The following DYNC2H1 variants were observed in gnomAD, a reference collection of about 807,000 sequenced individuals.
The protein encoded by DYNC2H1 is cytoplasmic dynein 2 heavy chain 1.
Under a neutral mutation model 570.0 loss-of-function variants are expected in DYNC2H1, and 410 were observed. The ratio of observed to expected loss-of-function variants is 0.72; its 90% CI spans 0.66 to 0.78. DYNC2H1 has a LOEUF of 0.78. DYNC2H1 is among the 30% of genes least tolerant of loss of function. DYNC2H1 has a pLI of 0.00. For synonymous variants in DYNC2H1, 1,688 were observed against 1,677.6 expected, an observed-to-expected ratio of 1.01 and a Z score of -0.15; for missense variants, 4,865 against 5,046.4, an observed-to-expected ratio of 0.96 and a Z score of 1.09.
chr11:103,430,933 C>G (rs775344175), intron 84 of DYNC2H1, among the ~76,000 whole-genome samples: 1 of 152,140 alleles, frequency 6.6e-6, no homozygotes, highest in Non-Finnish European at 1.5e-5. Context: ...ATAGCCATCT[C>G]TTTTATTGTT....
chr11:103,255,831 TTAAG>T (rs1487225593), intron 67 of DYNC2H1, among the ~76,000 whole-genome samples: 7 of 152,168 alleles, frequency 4.6e-5, no homozygotes, highest in African/African-American at 9.6e-5. Flanking sequence ...ATCTGTAACT[TTAAG>T]TAGTTTTTAT....
intron 86 of DYNC2H1, 39 bp downstream of exon 86, chr11:103,455,334 G>A (rs1466977270): frequency 8.9e-6 from 14 of 1,567,432 alleles, no homozygotes; most frequent in South Asian, 6.7e-5. Context: ...TGTCCCTGAC[G>A]GTAATTAGTT....
At position 103,261,752 on chromosome 11, in the gene DYNC2H1, C is replaced by T. The variant is rs1388828138; in HGVS notation, c.10695+1775C>T. 6.6e-6 allele frequency among the ~76,000 whole-genome samples: 1 copy of T among 152,144 alleles called. No individual in the cohort carries two copies. Among genetic ancestry groups the T allele is most frequent in the East Asian group, 1.9e-4 (1 of 5,188 alleles). ...CCACGAAGATGAGGAAAAACCAGCG[C>T]AAAAAGACTGAAAATTCCAAAAACC... is the stretch of plus-strand genomic sequence containing the variant. On this transcript the variant is annotated intron_variant, in intron 70 of 88. Coordinates refer to ENST00000375735, the MANE Select transcript of DYNC2H1 (RefSeq NM_001377.3). The surrounding 1 kb of genome is among the most constrained non-coding windows in gnomAD (Gnocchi z 4.8).
chr11:103,417,605 G>C (rs143737353), intron 84 of DYNC2H1, among the ~76,000 whole-genome samples: 1 of 151,878 alleles, frequency 6.6e-6, no homozygotes, highest in Admixed American at 6.6e-5. Flanking sequence ...TTGGCCAGGC[G>C]TGGTGGTTCA....
Position 103,129,140 on chromosome 11 carries a change from C to A in DYNC2H1, c.1953+135C>A. On this transcript the variant is annotated intron_variant, in intron 13 of 88. Transcript: ENST00000375735. This position sits in a 1 kb window ranked among gnomAD's most constrained non-coding sequence, Gnocchi z 4.1. The stretch of plus-strand genomic sequence containing the variant: ...TTTGCTTCCAGGGACTTCCTTCAAT[C>A]TTAGCAAGTAAAATTATTTTTTCTA... 3.1e-6 allele frequency: 2 copies of A among 642,828 alleles called. No individual in the cohort carries two copies. The highest frequency in any genetic ancestry group is 5.1e-6 in the Non-Finnish European group (2 of 393,744). The allele number at this position is 642,828 out of a possible 1,614,324, so 39.8% of individuals were successfully genotyped here.
chr11:103,228,171 C>T lies in DYNC2H1; in HGVS notation c.9354-3089C>T, dbSNP rs189297968. On this transcript the variant is annotated intron_variant, in intron 59 of 88. Coordinates refer to ENST00000375735, the MANE Select transcript of DYNC2H1 (RefSeq NM_001377.3). This position sits in a 1 kb window ranked among gnomAD's most constrained non-coding sequence, Gnocchi z 6.1. ...GTGTATCTTTTAAGTGGAGCATTTACGCCATTTACGTTCAGTGTTAGTATT... is the reference window on the plus strand; with the variant it reads ...GTGTATCTTTTAAGTGGAGCATTTATGCCATTTACGTTCAGTGTTAGTATT... Among the ~76,000 whole-genome samples, 289 of 152,192 alleles carry T rather than the reference C, an allele frequency of 1.9e-3. No homozygotes were observed. Among genetic ancestry groups the T allele is most frequent in the Admixed American group, 4.0e-3 (61 of 15,264 alleles).
chr11:103,194,477 T>C (rs1862439054), intron 47 of DYNC2H1, among the ~76,000 whole-genome samples: 1 of 152,196 alleles, frequency 6.6e-6, no homozygotes, highest in South Asian at 2.1e-4. Context: ...ATGCTTACTT[T>C]TTTAAGCAAC....
intron 83 of DYNC2H1, among the ~76,000 whole-genome samples, chr11:103,378,237 A>T (rs1336055502): frequency 6.6e-6 from 1 of 152,192 alleles, no homozygotes; most frequent in Non-Finnish European, 1.5e-5. Flanking sequence ...CACACAGGCA[A>T]CAGAGTATAT....
In DYNC2H1 at chr11:103,254,328, G is replaced by T. The variant is rs1268482712; in HGVS notation, c.10206+880G>T. On this transcript the variant is annotated intron_variant, in intron 66 of 88. Transcript: ENST00000375735. The surrounding 1 kb of genome is among the most constrained non-coding windows in gnomAD (Gnocchi z 4.9). The stretch of plus-strand genomic sequence containing the variant: ...GTAGTTGCAAAAAAGGAGCTATGTA[G>T]GTCTTACTTAGCAAGAACTAAATGA... Among the ~76,000 whole-genome samples, 1 of 152,116 alleles carries T rather than the reference G, an allele frequency of 6.6e-6. No individual in the cohort carries two copies. The highest frequency in any genetic ancestry group is 6.6e-5 in the Admixed American group (1 of 15,264).
chr11:103,169,536 G>A (rs568920523), intron 32 of DYNC2H1, among the ~76,000 whole-genome samples: 2 of 152,176 alleles, frequency 1.3e-5, no homozygotes, highest in East Asian at 3.9e-4. Context: ...TTTTTCAAAA[G>A]GGAAATGTAT....
intron 83 of DYNC2H1, among the ~76,000 whole-genome samples, chr11:103,364,747 G>T (rs374091817): frequency 6.6e-6 from 1 of 152,010 alleles, no homozygotes; most frequent in Non-Finnish European, 1.5e-5. Flanking sequence ...TGTCTTATAT[G>T]ACAGGACTTT....
Position 103,235,653 on chromosome 11 carries a change from TTCTC to T in DYNC2H1, c.9568-13_9568-10del, listed in dbSNP as rs1379335036. On this transcript the variant is annotated splice_polypyrimidine_tract_variant and intron_variant, in intron 61 of 88. Coordinates refer to ENST00000375735, the MANE Select transcript of DYNC2H1 (RefSeq NM_001377.3). ...ACATACTCATATATCTCCCTCTTTC[TTCTC>T]TCTCTTTTTTCCAGGTTGTAGAGAT... 1.3e-6 allele frequency: 2 copies of T among 1,595,928 alleles called. No homozygotes were observed. The highest frequency in any genetic ancestry group is 2.7e-5 in the African/African-American group (2 of 74,398).
At chr11:103,180,283 C>T (rs1215283326) in intron 39 of DYNC2H1, among the ~76,000 whole-genome samples, 1 of 151,350 alleles carries the variant, frequency 6.6e-6, no homozygotes, top group Admixed American at 6.6e-5. Flanking sequence ...AAATTACGCA[C>T]CTGAGGAGAG....
chr11:103,425,445 T>C (rs1220541006), intron 84 of DYNC2H1, among the ~76,000 whole-genome samples: 1 of 152,060 alleles, frequency 6.6e-6, no homozygotes, highest in Non-Finnish European at 1.5e-5. Context: ...AGGCTAGCTC[T>C]CTAACCTCTT....
intron 70 of DYNC2H1, among the ~76,000 whole-genome samples, chr11:103,262,065 A>G (rs1220956474): frequency 6.6e-6 from 1 of 152,252 alleles, no homozygotes; most frequent in Non-Finnish European, 1.5e-5. Context: ...CACAAGTATC[A>G]ATAGCTGAAT....
Position 103,257,641 on chromosome 11 carries a change from G to A in DYNC2H1, c.10495G>A (p.Ala3499Thr), listed in dbSNP as rs746256061. ...RDAYLPLAES[A>T]SKMYFIISDL... ...TGCCTATCTCCCCCTGGCTGAGAGT[G>A]CCAGCAAGATGTACTTCATTATTTC... is the stretch of plus-strand genomic sequence containing the variant. Residue 3499 changes from alanine (A) to threonine (T), a missense_variant, in exon 69 of 89, where the codon GCC (alanine) becomes ACC (threonine). Around this residue, in one of 5 missense-constraint regions of DYNC2H1, gnomAD observed 2,401 missense variants for 2,454.6 expected, o/e 0.98. Coordinates refer to ENST00000375735, the MANE Select transcript of DYNC2H1 (RefSeq NM_001377.3). 7 of 1,612,714 alleles carry A rather than the reference G, an allele frequency of 4.3e-6. No individual in the cohort carries two copies. The highest frequency in any genetic ancestry group is 5.1e-6 in the Non-Finnish European group (6 of 1,179,104).
chr11:103,461,141 A>G lies in DYNC2H1; in HGVS notation c.12648+4785A>G. Among the ~76,000 whole-genome samples, 1 of 152,190 alleles carries G rather than the reference A, an allele frequency of 6.6e-6. No homozygotes were observed. Among genetic ancestry groups the G allele is most frequent in the African/African-American group, 2.4e-5 (1 of 41,462 alleles). ...TTTCCAATAATGTTACCAGGGAAGA[A>G]GTCTTTGTAAGGCTTTCACTGTTAG... On this transcript the variant is annotated intron_variant, in intron 87 of 88. Transcript: ENST00000375735. This position sits in a 1 kb window ranked among gnomAD's most constrained non-coding sequence, Gnocchi z 4.8.
At chr11:103,385,693 G>T (rs7948826) in intron 83 of DYNC2H1, among the ~76,000 whole-genome samples, 5,359 of 152,132 alleles carry the variant, frequency 0.035, 312 homozygotes, top group African/African-American at 0.12. Context: ...CTAAAACTTG[G>T]AATCATCTCT....
chr11:103,142,375 TGTCATCTTG>T (rs1275594104), intron 17 of DYNC2H1, among the ~76,000 whole-genome samples: 9 of 152,160 alleles, frequency 5.9e-5, no homozygotes, highest in Non-Finnish European at 1.2e-4. Context: ...AAAATAGTTG[TGTCATCTTG>T]GTGGGTTGGG....
Sources: allele counts gnomAD v4.1 joint callset (sites outside exome capture counted in the v4.1 genomes callset), GRCh38; gene constraint gnomAD v4.1.1; regional missense constraint gnomAD v4.1.1; non-coding constraint Gnocchi (gnomAD v3.1); transcripts MANE v1.5; gene names NCBI Gene and HGNC (gene_info 2026-07-23, HGNC 2026-07-21).